Variants in WDR27 observed in about 807,000 individuals in gnomAD.
WDR27 encodes WD repeat domain 27.
WDR27 carries 100 observed loss-of-function variants against 114.4 expected under a neutral mutation model. The ratio of observed to expected loss-of-function variants is 0.87; its 90% CI spans 0.74 to 1.03. WDR27 has a LOEUF of 1.03. Among genes scored for constraint, WDR27 ranks in the 50% least tolerant of loss-of-function variants. The pLI is 0.00. For synonymous variants in WDR27, 449 were observed against 423.1 expected (o/e 1.06, Z -0.75); for missense variants, 1,129 against 1,092.9 (o/e 1.03, Z -0.47).
intron 25 of WDR27, among the ~76,000 whole-genome samples, chr6:169,533,259 C>T (rs1052743691): frequency 2.1e-5 from 2 of 94,090 alleles, no homozygotes; most frequent in African/African-American, 5.8e-5. Context: ...AGGAGGGAGA[C>T]AGCCCACATG....
Position 169,688,875 on chromosome 6 carries a change from GCA to G in WDR27, c.129_130del (p.Ala44PhefsTer7). ...AAGTTCAGTTCCATCCAAAGGGAAA[GCA>G]CAGTCCTGCATGCTGCAAGCAAGCT... On this transcript the variant is annotated frameshift_variant, in exon 2 of 26. Transcript: ENST00000448612. LOFTEE classifies it high-confidence loss of function. 6.2e-7 allele frequency: 1 copy of G among 1,613,608 alleles called. No homozygotes were observed. Among genetic ancestry groups the G allele is most frequent in the Non-Finnish European group, 8.5e-7 (1 of 1,179,766 alleles).
At chr6:169,670,952 C>CAT (rs1309656578) in intron 3 of WDR27, 2 of 436,168 alleles carry the variant, frequency 4.6e-6, no homozygotes. Context: ...CTGGAGGCTG[C>CAT]AGTACCTGTG....
At chr6:169,555,919 C>T (rs1186812158) in intron 25 of WDR27, among the ~76,000 whole-genome samples, 3 of 152,120 alleles carry the variant, frequency 2.0e-5, no homozygotes, top group Admixed American at 6.5e-5. Flanking sequence ...AACCGATACT[C>T]ATATAGGGAA....
the WDR27 span, among the ~76,000 whole-genome samples, chr6:169,428,302 T>A: frequency 6.6e-6 from 1 of 152,202 alleles, no homozygotes. Flanking sequence ...TCAAAAGGGA[T>A]GATTCAGTCT....
chr6:169,547,366 A>G (rs1797584758), intron 25 of WDR27, among the ~76,000 whole-genome samples: 1 of 152,126 alleles, frequency 6.6e-6, no homozygotes, highest in Non-Finnish European at 1.5e-5. Context: ...AGTAAAAAAC[A>G]ACAAAAAAAA....
intron 6 of WDR27, 24 bp downstream of exon 6, chr6:169,667,111 GA>G: frequency 2.0e-6 from 3 of 1,491,302 alleles, no homozygotes; most frequent in Non-Finnish European, 2.7e-6. Context: ...CCTATTTACA[GA>G]AAACATGAAA....
chr6:169,581,007 T>C (rs1034412125), intron 24 of WDR27, among the ~76,000 whole-genome samples: 2 of 149,544 alleles, frequency 1.3e-5, no homozygotes, highest in Admixed American at 1.3e-4. Context: ...AATGAATCAG[T>C]GTGATGTATA....
the WDR27 span, among the ~76,000 whole-genome samples, chr6:169,442,726 G>A: frequency 6.6e-6 from 1 of 152,150 alleles, no homozygotes; most frequent in Non-Finnish European, 1.5e-5. Context: ...CTTGGAGTCT[G>A]GAGTGAGAAT....
At chr6:169,550,024 G>A (rs893311255) in intron 25 of WDR27, among the ~76,000 whole-genome samples, 2 of 152,050 alleles carry the variant, frequency 1.3e-5, no homozygotes, top group African/African-American at 4.8e-5. Flanking sequence ...ATAAACTGTG[G>A]ACTTTGGTGA....
At chr6:169,502,696 T>C (rs1791484271) in intron 25 of WDR27, among the ~76,000 whole-genome samples, 1 of 152,132 alleles carries the variant, frequency 6.6e-6, no homozygotes, top group Admixed American at 6.5e-5. Context: ...AGCTCCCTCG[T>C]GATCGCACTG....
At chr6:169,618,650 C>T (rs1037876905) in intron 21 of WDR27, among the ~76,000 whole-genome samples, 2 of 57,106 alleles carry the variant, frequency 3.5e-5, no homozygotes, top group African/African-American at 5.5e-5. Flanking sequence ...AAAAAAAAAA[C>T]ATTATTGATG....
At chr6:169,524,823 A>G (rs1794769672) in intron 25 of WDR27, among the ~76,000 whole-genome samples, 1 of 152,224 alleles carries the variant, frequency 6.6e-6, no homozygotes, top group African/African-American at 2.4e-5. Context: ...GAATCTATGA[A>G]ACTACTGGAA....
the WDR27 span, among the ~76,000 whole-genome samples, chr6:169,451,148 C>T: frequency 3.3e-5 from 5 of 152,136 alleles, no homozygotes; most frequent in South Asian, 2.1e-4. Context: ...ATGCTTCCTC[C>T]GCCCTGTTGT....
chr6:169,666,559 T>C (rs1827875143), intron 6 of WDR27: 15 of 985,256 alleles, frequency 1.5e-5, no homozygotes, highest in Non-Finnish European at 1.8e-5. Flanking sequence ...ACGGGAGAGG[T>C]GCTGGGGCGT....
chr6:169,519,910 C>T (rs1194209863), intron 25 of WDR27, among the ~76,000 whole-genome samples: 2 of 152,134 alleles, frequency 1.3e-5, no homozygotes, highest in Non-Finnish European at 2.9e-5. Flanking sequence ...TGGAAAATCT[C>T]CCCCCAACTC....
intron 23 of WDR27, among the ~76,000 whole-genome samples, chr6:169,583,488 C>T (rs200987088): frequency 0.011 from 157 of 13,854 alleles, no homozygotes; most frequent in South Asian, 0.077. Context: ...TGTATATATA[C>T]ATATATATAT....
At chr6:169,550,265 T>G (rs1393947705) in intron 25 of WDR27, among the ~76,000 whole-genome samples, 1 of 152,194 alleles carries the variant, frequency 6.6e-6, no homozygotes, top group Admixed American at 6.5e-5. Context: ...GTTTCTAAAA[T>G]AACACATCTA....
chr6:169,644,131 A>C (rs1338527357), intron 16 of WDR27, among the ~76,000 whole-genome samples: 1 of 150,338 alleles, frequency 6.7e-6, no homozygotes, highest in Non-Finnish European at 1.5e-5. Context: ...ACACTGTTGA[A>C]AAGCCTAGTT....
chr6:169,604,515 C>A (rs1808706951), intron 22 of WDR27, among the ~76,000 whole-genome samples: 1 of 152,038 alleles, frequency 6.6e-6, no homozygotes. Flanking sequence ...GCAAATTCCA[C>A]CAAACATATA....
Sources: gnomAD v4.1 joint callset for allele counts (sites outside exome capture counted in the v4.1 genomes callset) on GRCh38, gnomAD v4.1.1 for gene constraint, MANE v1.5 for transcripts, NCBI Gene and HGNC (gene_info 2026-07-23, HGNC 2026-07-21) for gene names.